Variants in FBXO27 observed in about 807,000 individuals in gnomAD.
The protein encoded by FBXO27 is F-box protein 27.
Under a neutral mutation model 28.3 loss-of-function variants are expected in FBXO27, and 28 were observed. The ratio of observed to expected loss-of-function variants is 0.99; its 90% CI spans 0.73 to 1.36. The LOEUF is 1.36. Among genes scored for constraint, FBXO27 ranks in the 40% most tolerant of loss-of-function variants. The probability of loss-of-function intolerance (pLI) is 0.00; values close to 1 mark genes in which losing one functional copy is unlikely to be tolerated. For synonymous variants in FBXO27, 175 were observed against 167.3 expected (o/e 1.05, Z -0.36); for missense variants, 388 against 394.1 (o/e 0.98, Z 0.13).
chr19:39,011,552 C>T (rs1445668682), intron 2 of FBXO27, among the ~76,000 whole-genome samples: 1 of 152,130 alleles, frequency 6.6e-6, no homozygotes, highest in African/African-American at 2.4e-5. Flanking sequence ...ATTTATTTAG[C>T]TCTTATTTAA....
At chr19:39,022,581 GGACTACAGACGT>G (rs2072850640), downstream of FBXO27, among the ~76,000 whole-genome samples, 1 of 151,986 alleles carries the variant, frequency 6.6e-6, no homozygotes, top group African/African-American at 2.4e-5. Context: ...TGAGTAGCTG[GGACTACAGACGT>G]GTGCCTCCAT....
chr19:39,029,987 A>G (rs1200278808), intron 4 of FBXO27, among the ~76,000 whole-genome samples: 2 of 152,062 alleles, frequency 1.3e-5, no homozygotes, highest in African/African-American at 2.4e-5. Context: ...GACTACAGAC[A>G]CTTACCATGA....
chr19:39,018,183 T>C (rs2072828607), intron 1 of FBXO27, among the ~76,000 whole-genome samples: 1 of 152,252 alleles, frequency 6.6e-6, no homozygotes, highest in African/African-American at 2.4e-5. Context: ...GGTTTCACCA[T>C]GTTGGCCAAA....
rs2072900309 is a variant in FBXO27, at chr19:39,031,189, T to C, written c.476+20A>G. The C allele has an allele frequency of 6.2e-7, 1 of 1,613,868 alleles. No homozygotes were observed. The highest frequency in any genetic ancestry group is 8.5e-7 in the Non-Finnish European group (1 of 1,179,780). On this transcript the variant is annotated intron_variant, in intron 3 of 5. Transcript: ENST00000292853. The stretch of plus-strand genomic sequence containing the variant: ...CTTTCTCAACAAGGGGCCGGACCTT[T>C]GGATAGCAGGGGCATTCACCTGAAT...
At chr19:39,023,272 C>T (rs2072854471), downstream of FBXO27, among the ~76,000 whole-genome samples, 1 of 152,182 alleles carries the variant, frequency 6.6e-6, no homozygotes, top group African/African-American at 2.4e-5. Context: ...GTTGAATCCA[C>T]AGATGCAGAA....
rs1175274701 is a variant in FBXO27, at chr19:39,024,209, G to A, written c.*1202C>T. Reference sequence around the variant, plus strand: ...ACCTCGTTTTTTCAGAGAAACCAGAGTGGGCAGAACCATCTCCAAATTCTT... The same window carrying A: ...ACCTCGTTTTTTCAGAGAAACCAGAATGGGCAGAACCATCTCCAAATTCTT... On this transcript the variant is annotated 3_prime_UTR_variant, in exon 6 of 6. Coordinates refer to ENST00000292853, the MANE Select transcript of FBXO27 (RefSeq NM_178820.5). The A allele has an allele frequency of 6.6e-6, 1 of 152,022 alleles. No individual in the cohort carries two copies. The highest frequency in any genetic ancestry group is 1.5e-5 in the Non-Finnish European group (1 of 68,026). The allele number at this position is 152,022 out of a possible 1,614,324, so 9.4% of individuals were successfully genotyped here.
rs199702227 is a variant in FBXO27 at position 39,031,954 on chromosome 19, G to C, written c.274C>G (p.Pro92Ala). Residue 92 changes from proline (P) to alanine (A), a missense_variant, in exon 2 of 6, where the codon CCC (proline) becomes GCC (alanine). Transcript: ENST00000292853. ...LLHLARSCQS[P>A]ARNARPCPLG... ...GGGCAAGGCCTGGCGTTACGGGCGG[G>C]AGACTGGCAGCTGCGGGCGAGGTGC... 404 of 1,519,122 alleles carry C rather than the reference G, an allele frequency of 2.7e-4. No homozygotes were observed. Among genetic ancestry groups the C allele is most frequent in the Non-Finnish European group, 3.4e-4 (387 of 1,145,098 alleles). The allele number at this position is 1,519,122 out of a possible 1,614,324, so 94.1% of individuals were successfully genotyped here.
intron 2 of FBXO27, among the ~76,000 whole-genome samples, chr19:39,010,418 G>A (rs1278215416): frequency 6.6e-6 from 1 of 152,038 alleles, no homozygotes; most frequent in South Asian, 2.1e-4. Flanking sequence ...ATTGATCATC[G>A]AGGTATGAGT....
chr19:39,017,630 G>GACCTGAGATTGAGC (rs1339226100), intron 1 of FBXO27, among the ~76,000 whole-genome samples: 3 of 148,092 alleles, frequency 2.0e-5, no homozygotes, highest in African/African-American at 7.5e-5. Flanking sequence ...GGAGGTTACT[G>GACCTGAGATTGAGC]CACTCCAGCC....
chr19:39,026,807 G>T (rs141140367), intron 5 of FBXO27, 63 bp downstream of exon 5: 1 of 1,605,510 alleles, frequency 6.2e-7, no homozygotes, highest in Non-Finnish European at 8.5e-7. Flanking sequence ...AAGTTTTGGG[G>T]TGATTTATTT....
downstream of FBXO27, among the ~76,000 whole-genome samples, chr19:39,019,275 CTT>C: frequency 6.7e-6 from 1 of 149,610 alleles, no homozygotes; most frequent in Middle Eastern, 3.4e-3. Flanking sequence ...TACAAAAAAA[CTT>C]AGCTGGGCAT....
At chr19:39,016,621 A>C (rs2072821481) in intron 1 of FBXO27, among the ~76,000 whole-genome samples, 1 of 149,564 alleles carries the variant, frequency 6.7e-6, no homozygotes, top group African/African-American at 2.5e-5. Context: ...CCCAAAAGCC[A>C]AAAAAACAAA....
chr19:39,023,087 G>C (rs2072853253), downstream of FBXO27, among the ~76,000 whole-genome samples: 1 of 152,048 alleles, frequency 6.6e-6, no homozygotes, highest in Non-Finnish European at 1.5e-5. Flanking sequence ...TTACAGGTGT[G>C]AGCCACCATG....
intron 1 of FBXO27, among the ~76,000 whole-genome samples, chr19:39,017,156 T>A (rs528486554): frequency 6.6e-6 from 1 of 152,292 alleles, no homozygotes; most frequent in East Asian, 1.9e-4. Flanking sequence ...GTCGCTCTTT[T>A]TACTGCTTCT....
intron 4 of FBXO27, among the ~76,000 whole-genome samples, chr19:39,028,984 G>A (rs1019783541): frequency 1.3e-5 from 2 of 149,894 alleles, no homozygotes; most frequent in African/African-American, 4.9e-5. Context: ...AGAGATTGCA[G>A]TGAGCCGAGA....
intron 2 of FBXO27, among the ~76,000 whole-genome samples, chr19:39,011,827 CTTT>C (rs71167612): frequency 0.023 from 2,842 of 123,754 alleles, 50 homozygotes; most frequent in Non-Finnish European, 0.035. Context: ...ATTTTCTTTT[CTTT>C]TTTTTTTTTT....
chr19:39,008,359 C>G (rs775355436), intron 2 of FBXO27, among the ~76,000 whole-genome samples: 1 of 152,060 alleles, frequency 6.6e-6, no homozygotes, highest in African/African-American at 2.4e-5. Flanking sequence ...CTCAAGCGAT[C>G]CTTCTGCCTC....
At position 39,025,269 on chromosome 19, in the gene FBXO27, G is replaced by A. The variant is rs952938749; in HGVS notation, c.*142C>T. The stretch of plus-strand genomic sequence containing the variant: ...TTTCTAGAACCTGAAGACAGGGCCC[G>A]TCAGGGCCTTTGATTGGACCCAGGA... On this transcript the variant is annotated 3_prime_UTR_variant, in exon 6 of 6. Transcript: ENST00000292853. 17 of 1,152,800 alleles carry A rather than the reference G, an allele frequency of 1.5e-5. No individual in the cohort carries two copies. Among genetic ancestry groups the A allele is most frequent in the Admixed American group, 1.2e-4 (5 of 41,414 alleles). 71.4% of individuals were successfully genotyped at this position (1,152,800 alleles called of 1,614,324 possible). A position where few individuals can be genotyped will look rare whatever the true frequency, so the allele number is the denominator to read the frequency against.
chr19:39,015,292 C>T (rs2072814330), intron 1 of FBXO27, among the ~76,000 whole-genome samples: 1 of 124,674 alleles, frequency 8.0e-6, no homozygotes, highest in Non-Finnish European at 1.6e-5. Flanking sequence ...ACACTCCAGC[C>T]TGGGTGACAG....
Sources: allele counts gnomAD v4.1 joint callset (sites outside exome capture counted in the v4.1 genomes callset), GRCh38; gene constraint gnomAD v4.1.1; transcripts MANE v1.5; gene names NCBI Gene and HGNC (gene_info 2026-07-23, HGNC 2026-07-21).